KARS1: variants seen among roughly 807,000 people sequenced by gnomAD.
KARS1 encodes the protein lysine--tRNA ligase.
Under a neutral mutation model 63.9 loss-of-function variants are expected in KARS1, and 50 were observed. That is an observed-to-expected ratio of 0.78 (90% CI 0.62 to 0.99). The LOEUF (loss-of-function observed/expected upper bound fraction) is 0.99, where lower values mean the gene tolerates loss of function less well. Ranked by LOEUF, KARS1 falls within the 50% of genes least tolerant of loss-of-function variation. The probability of loss-of-function intolerance (pLI) is 0.00; values close to 1 mark genes in which losing one functional copy is unlikely to be tolerated. For synonymous variants in KARS1, 320 were observed against 264.6 expected, an observed-to-expected ratio of 1.21 and a Z score of -2.03; for missense variants, 816 against 754.5, an observed-to-expected ratio of 1.08 and a Z score of -0.95.
At chr16:75,643,752 T>C (rs2151811995) in intron 1 of KARS1, among the ~76,000 whole-genome samples, 1 of 152,364 alleles carries the variant, frequency 6.6e-6, no homozygotes, top group East Asian at 1.9e-4. Context: ...CTACATATAA[T>C]GTCTTATAAC....
chr16:75,634,005 T>A (rs531028082), intron 7 of KARS1, 168 bp downstream of exon 7: 10 of 766,722 alleles, frequency 1.3e-5, no homozygotes, highest in Non-Finnish European at 2.3e-5. Flanking sequence ...ATTAATCTTG[T>A]AGAGAAATTC....
rs565810216 is a variant in KARS1 at position 75,628,791 on chromosome 16, G to A, written c.1552-79C>T. The A allele has an allele frequency of 1.4e-4, 197 of 1,457,850 alleles. 1 individual carries two copies. The highest frequency in any genetic ancestry group is 4.8e-4 in the South Asian group (42 of 87,300). The allele number at this position is 1,457,850 out of a possible 1,614,324, so 90.3% of individuals were successfully genotyped here. A position where few individuals can be genotyped will look rare whatever the true frequency, so the allele number is the denominator to read the frequency against. On this transcript the variant is annotated intron_variant, in intron 12 of 13. Transcript: ENST00000302445. ...GTGAGTGAACATGTTACCAGGCTCC[G>A]AGGTGGGAGTACCATCATTCCAGAG...
chr16:75,628,568 C>T lies in KARS1; in HGVS notation c.1695+1G>A. On this transcript the variant is annotated splice_donor_variant, in intron 13 of 13. Coordinates refer to ENST00000302445, the MANE Select transcript of KARS1 (RefSeq NM_005548.3). LOFTEE classifies it high-confidence loss of function. ...GTGCTCTGTGGAGGGTTGCTACGTA[C>T]CTTGATGTTGTTGGAGTCCGTGAGA... 6.2e-7 allele frequency: 1 copy of T among 1,613,676 alleles called. No individual in the cohort carries two copies. The highest frequency in any genetic ancestry group is 8.5e-7 in the Non-Finnish European group (1 of 1,179,954).
chr16:75,629,654 C>G, intron 11 of KARS1, 113 bp from the exon 12 acceptor site: 1 of 1,157,492 alleles, frequency 8.6e-7, no homozygotes, highest in South Asian at 1.2e-5. Context: ...GGCTGGAGTG[C>G]AGTGGTGTGA....
At chr16:75,646,107 G>A (rs1455938615) in intron 1 of KARS1, among the ~76,000 whole-genome samples, 1 of 152,124 alleles carries the variant, frequency 6.6e-6, no homozygotes, top group Non-Finnish European at 1.5e-5. Flanking sequence ...CCAAAGACCA[G>A]GTTCCAAACT....
At chr16:75,630,205 A>G (rs1330769928) in intron 11 of KARS1, among the ~76,000 whole-genome samples, 1 of 152,156 alleles carries the variant, frequency 6.6e-6, no homozygotes, top group Non-Finnish European at 1.5e-5. Flanking sequence ...GGCCACATGA[A>G]GAGGCCCTGG....
At chr16:75,637,500 G>C (rs2082174689) in intron 3 of KARS1, among the ~76,000 whole-genome samples, 1 of 152,122 alleles carries the variant, frequency 6.6e-6, no homozygotes, top group South Asian at 2.1e-4. Flanking sequence ...AGGAGGCCAG[G>C]TGCTGTGGCT....
rs542063076 is a variant in KARS1 at position 75,643,228 on chromosome 16, G to T, written c.63-1505C>A. Among the ~76,000 whole-genome samples, 25 of 152,194 alleles carry T rather than the reference G, an allele frequency of 1.6e-4. No homozygotes were observed. In the South Asian group the frequency reaches 5.0e-3, roughly 30 times the overall value. On this transcript the variant is annotated intron_variant, in intron 1 of 13. Coordinates refer to ENST00000302445, the MANE Select transcript of KARS1 (RefSeq NM_005548.3). ...AATTTATGGATCATTCTTTCAAACC[G>T]CTGAACATAATCAAATATTCTGCAA...
At chr16:75,644,215 C>A in intron 1 of KARS1, 1 of 1,443,664 alleles carries the variant, frequency 6.9e-7, no homozygotes, top group Non-Finnish European at 9.5e-7. Flanking sequence ...AGAGGCTTAA[C>A]GGAAAATGAA....
At position 75,634,245 on chromosome 16, in the gene KARS1, C is replaced by G. The variant is rs141370499; in HGVS notation, c.843G>C (p.Lys281Asn). ...MNIIPGGAVA[K>N]PFITYHNELD... ...GCTCGTTGTGATAAGTGATGAAAGG[C>G]TTGGCCACGGCTCCCCCTGGGATGA... Residue 281 changes from lysine (K) to asparagine (N), a missense_variant, in exon 7 of 14, where the codon AAG (lysine) becomes AAC (asparagine). Transcript: ENST00000302445. 6 of 1,614,062 alleles carry G rather than the reference C, an allele frequency of 3.7e-6. No individual in the cohort carries two copies. Among genetic ancestry groups the G allele is most frequent in the Non-Finnish European group, 5.1e-6 (6 of 1,179,930 alleles).
intron 1 of KARS1, 96 bp downstream of exon 1, chr16:75,647,482 A>G: frequency 8.7e-7 from 1 of 1,150,956 alleles, no homozygotes; most frequent in South Asian, 1.3e-5. Flanking sequence ...GCCGGCAAGA[A>G]GGCCCCGGCA....
intron 1 of KARS1, chr16:75,647,338 T>C (rs1055979976): frequency 4.9e-6 from 3 of 609,086 alleles, no homozygotes; most frequent in Non-Finnish European, 8.8e-6. Flanking sequence ...CACAGTCTCT[T>C]AACTCTAGGA....
At chr16:75,632,864 G>A (rs932237885) in intron 7 of KARS1, among the ~76,000 whole-genome samples, 1 of 152,182 alleles carries the variant, frequency 6.6e-6, no homozygotes, top group Non-Finnish European at 1.5e-5. Flanking sequence ...AAGGCCGAAA[G>A]GTTACGTAGC....
intron 3 of KARS1, among the ~76,000 whole-genome samples, chr16:75,637,172 A>T (rs1238398327): frequency 1.3e-5 from 2 of 152,136 alleles, no homozygotes; most frequent in Admixed American, 6.5e-5. Context: ...AAAAATAGAA[A>T]GCACAGCTAG....
In KARS1 at chr16:75,634,365, A is replaced by G. The variant is rs2082141631; in HGVS notation, c.796-73T>C. 5 of 1,501,514 alleles carry G rather than the reference A, an allele frequency of 3.3e-6. No individual in the cohort carries two copies. The South Asian group carries it at 4.6e-5, about 14-fold the overall frequency. 93.0% of individuals were successfully genotyped at this position (1,501,514 alleles called of 1,614,324 possible). A position where few individuals can be genotyped will look rare whatever the true frequency, so the allele number is the denominator to read the frequency against. On this transcript the variant is annotated intron_variant, in intron 6 of 13. Coordinates refer to ENST00000302445, the MANE Select transcript of KARS1 (RefSeq NM_005548.3). ...TGGGGACAGACCATGCTTTGCATGT[A>G]ATATAGTCTAAGCCTGTTATACCCC...
At chr16:75,635,164 C>T (rs1485042260) in intron 6 of KARS1, among the ~76,000 whole-genome samples, 1 of 151,978 alleles carries the variant, frequency 6.6e-6, no homozygotes, top group African/African-American at 2.4e-5. Flanking sequence ...ATATTTAAAC[C>T]AAAAATAAAA....
chr16:75,632,712 G>C (rs1434842348), intron 7 of KARS1, among the ~76,000 whole-genome samples: 13 of 152,188 alleles, frequency 8.5e-5, no homozygotes, highest in African/African-American at 3.1e-4. Flanking sequence ...ATCATTCCTA[G>C]TTGTATAGTT....
At chr16:75,634,377 G>A in intron 6 of KARS1, 85 bp from the exon 7 acceptor site, 2 of 1,394,392 alleles carry the variant, frequency 1.4e-6, no homozygotes, top group South Asian at 1.2e-5. Flanking sequence ...TATAGTCTAA[G>A]CCTGTTATAC....
At chr16:75,644,053 G>T (rs957254911) in intron 1 of KARS1, among the ~76,000 whole-genome samples, 1 of 152,208 alleles carries the variant, frequency 6.6e-6, no homozygotes, top group Admixed American at 6.5e-5. Context: ...CAAAGGTTTT[G>T]TTCTTAGCAC....
Sources: gnomAD v4.1 joint callset for allele counts (sites outside exome capture counted in the v4.1 genomes callset) on GRCh38, gnomAD v4.1.1 for gene constraint, MANE v1.5 for transcripts, NCBI Gene and HGNC (gene_info 2026-07-23, HGNC 2026-07-21) for gene names.